Variants in WNK1 observed in about 807,000 individuals in gnomAD.
WNK1 encodes the protein serine/threonine-protein kinase WNK1.
In WNK1, 38 loss-of-function variants were observed where a neutral mutation model predicts 222.8. The observed-to-expected ratio is 0.17, with a 90% CI of 0.13 to 0.22. The LOEUF (loss-of-function observed/expected upper bound fraction) is 0.22. Ranked by LOEUF, WNK1 falls within the 10% of genes least tolerant of loss-of-function variation. WNK1 has a pLI of 1.00. For missense variants in WNK1, 2,348 were observed against 2,918.4 expected (o/e 0.80, Z 4.50); for synonymous variants, 1,090 against 1,092.9 (o/e 1.00, Z 0.05).
At chr12:868,048 A>G in intron 8 of WNK1, 1 of 1,613,828 alleles carries the variant, frequency 6.2e-7, no homozygotes, top group South Asian at 1.1e-5. Context: ...ACCACTTCCA[A>G]CCCCTGCTGA....
In WNK1 at chr12:907,024, T is replaced by TAAAAAAAAAA. The variant is rs67823034; in HGVS notation, c.6644-818_6644-809dup. Among the ~76,000 whole-genome samples, 370 of 47,420 alleles carry TAAAAAAAAAA rather than the reference T, an allele frequency of 7.8e-3. 42 individuals are homozygous for TAAAAAAAAAA. The highest frequency in any genetic ancestry group is 0.024 in the South Asian group (24 of 986). The allele number at this position is 47,420 out of a possible 152,430, so 31.1% of individuals were successfully genotyped here. A position where few individuals can be genotyped will look rare whatever the true frequency, so the allele number is the denominator to read the frequency against. The stretch of plus-strand genomic sequence containing the variant: ...ACAGAAAAAGAAGAGACCCTTCCTT[T>TAAAAAAAAAA]AAAAAAAAAAAAAAGCCGGGCGTGG... On this transcript the variant is annotated intron_variant, in intron 26 of 27. Coordinates refer to ENST00000315939, the MANE Select transcript of WNK1 (RefSeq NM_018979.4).
intron 25 of WNK1, 128 bp from the exon 26 acceptor site, chr12:900,348 C>A: frequency 1.0e-6 from 1 of 969,800 alleles, no homozygotes; most frequent in Non-Finnish European, 1.6e-6. Flanking sequence ...TTGTTCTTCT[C>A]ATCAGTTTGT....
At chr12:798,881 C>G (rs1316856111) in intron 1 of WNK1, among the ~76,000 whole-genome samples, 1 of 152,066 alleles carries the variant, frequency 6.6e-6, no homozygotes. Context: ...TTAATTTTTA[C>G]TTTTTCTCTA....
intron 1 of WNK1, among the ~76,000 whole-genome samples, chr12:763,888 AG>A (rs1442693608): frequency 1.4e-5 from 2 of 147,560 alleles, no homozygotes; most frequent in African/African-American, 4.9e-5. Flanking sequence ...GAAAAATCAA[AG>A]GTTTTTTTTA....
intron 1 of WNK1, among the ~76,000 whole-genome samples, chr12:788,434 A>G (rs1164764886): frequency 6.6e-6 from 1 of 152,204 alleles, no homozygotes; most frequent in African/African-American, 2.4e-5. Flanking sequence ...CTTATGCACT[A>G]ATGGACCATA....
chr12:837,755 G>A (rs1019132122), intron 4 of WNK1, among the ~76,000 whole-genome samples: 12 of 151,866 alleles, frequency 7.9e-5, no homozygotes, highest in Non-Finnish European at 1.3e-4. Flanking sequence ...AGTCCTTCTC[G>A]GGCCATATTT....
chr12:834,267 C>T (rs749849440), intron 4 of WNK1, among the ~76,000 whole-genome samples: 2 of 152,200 alleles, frequency 1.3e-5, no homozygotes, highest in African/African-American at 2.4e-5. Context: ...CTTAGTTTCT[C>T]CTGCTCCCAA....
At chr12:886,688 G>C (rs1170617062) in intron 19 of WNK1, among the ~76,000 whole-genome samples, 1 of 152,110 alleles carries the variant, frequency 6.6e-6, no homozygotes. Flanking sequence ...GTATGCTTCA[G>C]CCTCTTTCTG....
At chr12:802,008 C>A (rs975883242) in intron 1 of WNK1, among the ~76,000 whole-genome samples, 2 of 152,086 alleles carry the variant, frequency 1.3e-5, no homozygotes, top group African/African-American at 4.8e-5. Flanking sequence ...TCAACTTCCC[C>A]TCACAGTTTT....
chr12:828,586 C>T, intron 3 of WNK1, among the ~76,000 whole-genome samples: 1 of 152,100 alleles, frequency 6.6e-6, no homozygotes, highest in Non-Finnish European at 1.5e-5. Flanking sequence ...TACCTGCCTT[C>T]TAGTTGTTAT....
chr12:797,016 A>G (rs545678970), intron 1 of WNK1, among the ~76,000 whole-genome samples: 1 of 152,222 alleles, frequency 6.6e-6, no homozygotes, highest in South Asian at 2.1e-4. Flanking sequence ...CTCTCCTACC[A>G]TCTCTTCTAA....
At chr12:769,984 T>C (rs1406363318) in intron 1 of WNK1, among the ~76,000 whole-genome samples, 1 of 152,002 alleles carries the variant, frequency 6.6e-6, no homozygotes, top group African/African-American at 2.4e-5. Flanking sequence ...TTCTTTTTTT[T>C]TTTTTTGAGA....
At chr12:796,026 C>T (rs1421500014) in intron 1 of WNK1, among the ~76,000 whole-genome samples, 2 of 152,050 alleles carry the variant, frequency 1.3e-5, no homozygotes, top group African/African-American at 4.8e-5. Flanking sequence ...TAGCCCTCCA[C>T]CATGCCCAGC....
At chr12:781,868 A>C (rs1405923718) in intron 1 of WNK1, among the ~76,000 whole-genome samples, 2 of 151,984 alleles carry the variant, frequency 1.3e-5, no homozygotes, top group Non-Finnish European at 2.9e-5. Flanking sequence ...TAGTTCTGTC[A>C]GATTTCTTTG....
chr12:877,803 T>C (rs1433660616), intron 9 of WNK1, among the ~76,000 whole-genome samples: 1 of 152,118 alleles, frequency 6.6e-6, no homozygotes. Flanking sequence ...GAAAAAAGAT[T>C]AAAGGAAGCT....
intron 1 of WNK1, among the ~76,000 whole-genome samples, chr12:755,019 T>C (rs1939787565): frequency 6.6e-6 from 1 of 152,202 alleles, no homozygotes; most frequent in Non-Finnish European, 1.5e-5. Context: ...ATCATCATTG[T>C]TTTAATCTTA....
chr12:797,203 C>T (rs1945397095), intron 1 of WNK1, among the ~76,000 whole-genome samples: 1 of 152,084 alleles, frequency 6.6e-6, no homozygotes, highest in African/African-American at 2.4e-5. Context: ...CCTTGTTGTA[C>T]TTATACGCTC....
rs560689722 is a variant in WNK1 at position 796,115 on chromosome 12, C to G, written c.760-17527C>G. On this transcript the variant is annotated intron_variant, in intron 1 of 27. Coordinates refer to ENST00000315939, the MANE Select transcript of WNK1 (RefSeq NM_018979.4). ...TCTTGAATTCCTGAGCTCAGGTGAT[C>G]TGCCCTTCCTGGCCTCCCAAAGTGT... 3.9e-5 allele frequency among the ~76,000 whole-genome samples: 6 copies of G among 152,336 alleles called. 1 individual carries two copies. Among genetic ancestry groups the G allele is most frequent in the African/African-American group, 1.4e-4 (6 of 41,574 alleles).
Position 884,199 on chromosome 12 carries a change from G to A in WNK1, c.3800G>A (p.Arg1267Gln), listed in dbSNP as rs766946869. The change falls in exon 18 of 28, where the codon CGA (arginine) becomes CAA (glutamine). Residue 1267 changes from arginine to glutamine, a missense_variant. Transcript: ENST00000315939. The surrounding 1 kb of genome is among the most constrained non-coding windows in gnomAD (Gnocchi z 5.6). ...ATAGTGAGTCCTGTGCCAGAAAGCC[G>A]ATTACGAGAATCAAAAGTTTTCCCC... Reference protein sequence around the residue: ...RFIVSPVPESRLRESKVFPSE... With the variant: ...RFIVSPVPESQLRESKVFPSE... 3.1e-6 allele frequency: 5 copies of A among 1,614,026 alleles called. No individual in the cohort carries two copies. The highest frequency in any genetic ancestry group is 1.1e-5 in the South Asian group (1 of 91,076).
Sources: gnomAD v4.1 joint callset for allele counts (sites outside exome capture counted in the v4.1 genomes callset) on GRCh38, gnomAD v4.1.1 for gene constraint, Gnocchi (gnomAD v3.1) non-coding constraint, MANE v1.5 for transcripts, NCBI Gene and HGNC (gene_info 2026-07-23, HGNC 2026-07-21) for gene names.